The following WWOX variants were observed in gnomAD, a reference collection of about 807,000 sequenced individuals.
The protein encoded by WWOX is WW domain containing oxidoreductase, also known as WW domain-containing oxidoreductase.
WWOX carries 69 observed loss-of-function variants against 46.2 expected under a neutral mutation model. That is an observed-to-expected ratio of 1.49 (90% confidence interval 1.23 to 1.82). The LOEUF (loss-of-function observed/expected upper bound fraction) is 1.82, where lower values mean the gene tolerates loss of function less well. WWOX is among the 40% of genes most tolerant of loss of function. WWOX has a pLI of 0.00. For missense variants in WWOX, 919 were observed against 542.6 expected (o/e 1.69, Z -6.89); for synonymous variants, 359 against 202.6 (o/e 1.77, Z -6.56).
intron 8 of WWOX, among the ~76,000 whole-genome samples, chr16:79,070,516 C>T (rs28391611): frequency 0.081 from 12,262 of 152,094 alleles, 996 homozygotes; most frequent in African/African-American, 0.21. Flanking sequence ...GAGCGTCTGC[C>T]TTCTATCATG....
chr16:78,687,561 C>A (rs551147778), intron 8 of WWOX, among the ~76,000 whole-genome samples: 1 of 151,452 alleles, frequency 6.6e-6, no homozygotes, highest in Admixed American at 6.6e-5. Flanking sequence ...CAGACATATA[C>A]TTTATGAGGT....
At chr16:78,867,506 GTGTGTA>G (rs1043308770) in intron 8 of WWOX, among the ~76,000 whole-genome samples, 8 of 148,394 alleles carry the variant, frequency 5.4e-5, no homozygotes, top group African/African-American at 2.1e-4. Flanking sequence ...GTGTGTGTGT[GTGTGTA>G]TGTGTGTGTG....
intron 4 of WWOX, among the ~76,000 whole-genome samples, chr16:78,139,737 A>G (rs1030551291): frequency 6.6e-6 from 1 of 152,252 alleles, no homozygotes. Flanking sequence ...CTCCAAAAAC[A>G]GAACCAGAGA....
chr16:78,865,815 G>C (rs1241971178), intron 8 of WWOX, among the ~76,000 whole-genome samples: 1 of 152,208 alleles, frequency 6.6e-6, no homozygotes, highest in Non-Finnish European at 1.5e-5. Flanking sequence ...GGAAGGCAGA[G>C]TTTGCAGTGA....
chr16:78,557,007 C>G (rs150450011), intron 8 of WWOX, among the ~76,000 whole-genome samples: 1 of 152,000 alleles, frequency 6.6e-6, no homozygotes, highest in African/African-American at 2.4e-5. Flanking sequence ...CGTGAGCCAC[C>G]GAGCCCAGCC....
chr16:78,625,285 A>C (rs1365611470), intron 8 of WWOX, among the ~76,000 whole-genome samples: 3 of 152,140 alleles, frequency 2.0e-5, no homozygotes, highest in Non-Finnish European at 4.4e-5. Context: ...GGTTCCCCTG[A>C]CTGAGCTCCT....
rs200013049 is a variant in WWOX, at chr16:79,026,261, AC to A, written c.1057-185344del. The stretch of plus-strand genomic sequence containing the variant: ...CCCTTCTCTGTGCTTTAGTCACCCT[AC>A]CCTCGGTCAACTCCTAACTCCTGCC... On this transcript the variant is annotated intron_variant, in intron 8 of 8. Transcript: ENST00000566780. 2.0e-4 allele frequency among the ~76,000 whole-genome samples: 30 copies of A among 151,498 alleles called. No individual in the cohort carries two copies. In the East Asian group the frequency reaches 5.8e-3, roughly 29 times the overall value.
At chr16:78,819,682 T>C (rs1029674630) in intron 8 of WWOX, among the ~76,000 whole-genome samples, 1 of 152,192 alleles carries the variant, frequency 6.6e-6, no homozygotes, top group Non-Finnish European at 1.5e-5. Context: ...TTGAATTCTT[T>C]CCTGGGCAAA....
chr16:78,167,093 T>C (rs1597296588), intron 5 of WWOX: 2 of 152,270 alleles, frequency 1.3e-5, no homozygotes, highest in Admixed American at 6.5e-5. Flanking sequence ...TCTTGGAAGA[T>C]AATGCTGTAG....
intron 8 of WWOX, among the ~76,000 whole-genome samples, chr16:79,148,889 A>G (rs2050227548): frequency 6.8e-6 from 1 of 147,354 alleles, no homozygotes; most frequent in Non-Finnish European, 1.5e-5. Context: ...GATTGCATTT[A>G]TTATAAAGTT....
At chr16:79,185,621 C>G (rs1312508243) in intron 8 of WWOX, among the ~76,000 whole-genome samples, 2 of 152,124 alleles carry the variant, frequency 1.3e-5, no homozygotes, top group Admixed American at 1.3e-4. Context: ...CTTGGGTTGT[C>G]AGGATGCAGG....
chr16:78,196,110 G>A (rs2036043198), intron 5 of WWOX, among the ~76,000 whole-genome samples: 1 of 152,092 alleles, frequency 6.6e-6, no homozygotes, highest in Admixed American at 6.6e-5. Context: ...ATGATCAAGT[G>A]GAATTTACTA....
chr16:78,367,540 GAAAA>G (rs1032423887), intron 5 of WWOX, among the ~76,000 whole-genome samples: 3 of 152,040 alleles, frequency 2.0e-5, no homozygotes, highest in African/African-American at 7.2e-5. Context: ...GAATAAAACA[GAAAA>G]AAGGTGTAAA....
chr16:78,527,832 G>A (rs758808936), intron 8 of WWOX, among the ~76,000 whole-genome samples: 2 of 151,594 alleles, frequency 1.3e-5, no homozygotes, highest in Non-Finnish European at 2.9e-5. Context: ...GGGAAAAGGT[G>A]CTACTGGCAT....
At chr16:78,169,705 A>G (rs2035090965) in intron 5 of WWOX, among the ~76,000 whole-genome samples, 1 of 152,064 alleles carries the variant, frequency 6.6e-6, no homozygotes, top group South Asian at 2.1e-4. Flanking sequence ...AGAAGGAGGT[A>G]GGGTAGAGTG....
rs190723929 is a variant in WWOX at position 78,404,580 on chromosome 16, T to A, written c.605+17632T>A. Reference sequence around the variant, plus strand: ...TAAATTCTACTTTGGCCTATCAAATTTCTTTCATATCACAACTAAATTTCT... The same window carrying A: ...TAAATTCTACTTTGGCCTATCAAATATCTTTCATATCACAACTAAATTTCT... On this transcript the variant is annotated intron_variant, in intron 6 of 8. Coordinates refer to ENST00000566780, the MANE Select transcript of WWOX (RefSeq NM_016373.4). Among the ~76,000 whole-genome samples, 429 of 152,294 alleles carry A rather than the reference T, an allele frequency of 2.8e-3. 2 individuals are homozygous for A. The highest frequency in any genetic ancestry group is 1.0e-2 in the African/African-American group (414 of 41,562).
At chr16:79,026,435 G>A (rs546824204) in intron 8 of WWOX, among the ~76,000 whole-genome samples, 1 of 151,554 alleles carries the variant, frequency 6.6e-6, no homozygotes, top group African/African-American at 2.4e-5. Context: ...GGACTCTCTG[G>A]GAACTGTGTC....
chr16:78,519,253 C>G (rs578190518), intron 8 of WWOX, among the ~76,000 whole-genome samples: 4 of 152,004 alleles, frequency 2.6e-5, no homozygotes, highest in East Asian at 3.9e-4. Context: ...AAAGGACTTG[C>G]GGAGTGCCTA....
chr16:78,164,248 G>T lies in WWOX; in HGVS notation c.475G>T (p.Ala159Ser). The change falls in exon 5 of 9, where the codon GCA (alanine) becomes TCA (serine). Residue 159 changes from alanine to serine, a missense_variant. Ala to Ser is a moderately conservative substitution (Grantham distance 99, BLOSUM62 1). Transcript: ENST00000566780. ...AHVILACRNM[A>S]RASEAVSRIL... The stretch of plus-strand genomic sequence containing the variant: ...TGTGATCTTGGCCTGCAGGAACATG[G>T]CAAGGGCGAGTGAAGCAGTGTCACG... 6.2e-7 allele frequency: 1 copy of T among 1,614,138 alleles called. No homozygotes were observed. Among genetic ancestry groups the T allele is most frequent in the Non-Finnish European group, 8.5e-7 (1 of 1,180,000 alleles).
Sources: allele counts gnomAD v4.1 joint callset (sites outside exome capture counted in the v4.1 genomes callset), GRCh38; gene constraint gnomAD v4.1.1; transcripts MANE v1.5; gene names NCBI Gene and HGNC (gene_info 2026-07-23, HGNC 2026-07-21).